The following AUTS2 variants were observed in gnomAD, a reference collection of about 807,000 sequenced individuals.
The protein encoded by AUTS2 is autism susceptibility gene 2 protein.
In AUTS2, 17 loss-of-function variants were observed where a neutral mutation model predicts 112.4. That is an observed-to-expected ratio of 0.15 (90% CI 0.10 to 0.23). The LOEUF (loss-of-function observed/expected upper bound fraction) is 0.23, where lower values mean the gene tolerates loss of function less well. Among genes scored for constraint, AUTS2 ranks in the 10% least tolerant of loss-of-function variants. The pLI is 1.00. For missense variants in AUTS2, 1,510 were observed against 1,701.6 expected (o/e 0.89, Z 1.98); for synonymous variants, 751 against 702.7 (o/e 1.07, Z -1.09).
intron 1 of AUTS2, among the ~76,000 whole-genome samples, chr7:69,682,396 AGAATCT>A (rs1306785153): frequency 6.6e-6 from 1 of 151,774 alleles, no homozygotes; most frequent in Non-Finnish European, 1.5e-5. Flanking sequence ...TTCTAATGTT[AGAATCT>A]GGTAAGAACT....
intron 2 of AUTS2, among the ~76,000 whole-genome samples, chr7:70,011,297 C>CCT (rs1446509602): frequency 9.4e-5 from 14 of 149,550 alleles, no homozygotes; most frequent in African/African-American, 3.2e-4. Context: ...ACTAGCCTCA[C>CCT]CTCTCCTCTC....
At chr7:70,656,178 C>T (rs1470892889) in intron 5 of AUTS2, among the ~76,000 whole-genome samples, 1 of 151,960 alleles carries the variant, frequency 6.6e-6, no homozygotes, top group Admixed American at 6.5e-5. Context: ...GGCCCTCAAT[C>T]CCTTAACAAA....
intron 2 of AUTS2, among the ~76,000 whole-genome samples, chr7:69,943,183 G>A (rs1028585020): frequency 6.6e-6 from 1 of 152,194 alleles, no homozygotes; most frequent in Non-Finnish European, 1.5e-5. Context: ...GGATGTTGGG[G>A]AAGTTTCCCT....
chr7:69,721,984 G>A lies in AUTS2; in HGVS notation c.309+122022G>A, dbSNP rs561924278. On this transcript the variant is annotated intron_variant, in intron 1 of 18. Transcript: ENST00000342771. ...CTGATTGGTAAAGTTATTGATAGGC[G>A]TTTGGACCTTGTCTTTTGGGAAGCA... is the stretch of plus-strand genomic sequence containing the variant. 1.7e-3 allele frequency among the ~76,000 whole-genome samples: 258 copies of A among 152,102 alleles called. 2 individuals carry two copies. The highest frequency in any genetic ancestry group is 2.9e-3 in the Non-Finnish European group (198 of 67,988).
At chr7:70,780,373 C>G (rs1323100703) in intron 14 of AUTS2, among the ~76,000 whole-genome samples, 3 of 151,492 alleles carry the variant, frequency 2.0e-5, no homozygotes, top group Admixed American at 1.3e-4. Flanking sequence ...ATAAATAAGA[C>G]AAAACAGAGT....
chr7:70,382,016 T>G (rs1585081392), intron 4 of AUTS2, among the ~76,000 whole-genome samples: 1 of 152,198 alleles, frequency 6.6e-6, no homozygotes, highest in Non-Finnish European at 1.5e-5. Context: ...TACTAATGTC[T>G]GTGTACCTGG....
intron 6 of AUTS2, among the ~76,000 whole-genome samples, chr7:70,736,220 T>G (rs1241089213): frequency 1.3e-5 from 2 of 151,970 alleles, no homozygotes; most frequent in African/African-American, 4.8e-5. Context: ...TAGGTCTTCA[T>G]CTTACACCGG....
At chr7:70,141,738 T>C (rs1405207791) in intron 4 of AUTS2, among the ~76,000 whole-genome samples, 2 of 152,198 alleles carry the variant, frequency 1.3e-5, no homozygotes, top group Non-Finnish European at 1.5e-5. Flanking sequence ...GTCTAATTCT[T>C]ACCCTTTTTT....
intron 2 of AUTS2, among the ~76,000 whole-genome samples, chr7:69,942,887 A>G (rs1796679572): frequency 6.6e-6 from 1 of 152,244 alleles, no homozygotes; most frequent in Non-Finnish European, 1.5e-5. Flanking sequence ...CCAATAGAAA[A>G]CTGACACTAG....
intron 5 of AUTS2, among the ~76,000 whole-genome samples, chr7:70,571,590 A>T (rs1801942455): frequency 6.6e-6 from 1 of 152,372 alleles, no homozygotes; most frequent in Non-Finnish European, 1.5e-5. Flanking sequence ...ACTTTGGCCC[A>T]CAAAAGGTGA....
chr7:70,523,178 A>G (rs1449609795), intron 5 of AUTS2, among the ~76,000 whole-genome samples: 1 of 152,242 alleles, frequency 6.6e-6, no homozygotes, highest in East Asian at 1.9e-4. Context: ...TGGCATTAAA[A>G]TACAATCCGG....
intron 1 of AUTS2, among the ~76,000 whole-genome samples, chr7:69,642,936 C>A (rs950460413): frequency 2.6e-5 from 4 of 152,146 alleles, no homozygotes; most frequent in Admixed American, 2.6e-4. Flanking sequence ...CAGGAGGAGT[C>A]TGGGCACTTC....
rs938085629 is a variant in AUTS2 at position 70,703,505 on chromosome 7, A to T, written c.742+4885A>T. ...GACACCATTTCAAAAAAAAAAAAAA[A>T]AAAAAAAGGCCTTTCCATAAAATAA... On this transcript the variant is annotated intron_variant, in intron 6 of 18. Transcript: ENST00000342771. 1.6e-3 allele frequency among the ~76,000 whole-genome samples: 238 copies of T among 151,860 alleles called. 1 individual carries two copies. The highest frequency in any genetic ancestry group is 5.5e-3 in the African/African-American group (227 of 41,404).
At chr7:69,832,821 A>G (rs1052734626) in intron 1 of AUTS2, among the ~76,000 whole-genome samples, 2 of 152,194 alleles carry the variant, frequency 1.3e-5, no homozygotes, top group African/African-American at 2.4e-5. Context: ...TAACAACAAC[A>G]AAAACATTAA....
intron 5 of AUTS2, chr7:70,596,711 C>T (rs1803230925): frequency 6.6e-6 from 1 of 152,280 alleles, no homozygotes; most frequent in Admixed American, 6.5e-5. Context: ...ATCGCAGCAC[C>T]AGCAGCCAAC....
intron 2 of AUTS2, among the ~76,000 whole-genome samples, chr7:70,042,534 C>G (rs1207976947): frequency 6.6e-6 from 1 of 152,114 alleles, no homozygotes; most frequent in African/African-American, 2.4e-5. Flanking sequence ...GAACCTTTCT[C>G]TGAAAAAAAG....
At chr7:70,395,528 G>A (rs566536146) in intron 4 of AUTS2, among the ~76,000 whole-genome samples, 4 of 152,168 alleles carry the variant, frequency 2.6e-5, no homozygotes, top group Admixed American at 2.6e-4. Flanking sequence ...GGAAATAAAT[G>A]AATTTTGTAT....
At chr7:70,578,930 T>C (rs1294521825) in intron 5 of AUTS2, among the ~76,000 whole-genome samples, 1 of 150,010 alleles carries the variant, frequency 6.7e-6, no homozygotes, top group Admixed American at 6.6e-5. Flanking sequence ...TTCTTTCTTT[T>C]TTTTTTTTTG....
At chr7:69,635,772 C>T (rs2129109479) in intron 1 of AUTS2, among the ~76,000 whole-genome samples, 1 of 152,360 alleles carries the variant, frequency 6.6e-6, no homozygotes, top group South Asian at 2.1e-4. Context: ...CTTGGAAAGC[C>T]TCTTTCGCTG....
Sources: allele counts gnomAD v4.1 joint callset (sites outside exome capture counted in the v4.1 genomes callset), GRCh38; gene constraint gnomAD v4.1.1; transcripts MANE v1.5; gene names NCBI Gene and HGNC (gene_info 2026-07-23, HGNC 2026-07-21).